CNTNAP2: variants seen among roughly 807,000 people sequenced by gnomAD.
CNTNAP2 encodes the protein contactin-associated protein-like 2.
CNTNAP2 carries 98 observed loss-of-function variants against 155.2 expected under a neutral mutation model. The observed-to-expected ratio is 0.63, with a 90% CI of 0.54 to 0.75. CNTNAP2 has a LOEUF of 0.75. Ranked by LOEUF, CNTNAP2 falls within the 30% of genes least tolerant of loss-of-function variation. The pLI is 0.00. For missense variants in CNTNAP2, 1,727 were observed against 1,688.1 expected (o/e 1.02, Z -0.40); for synonymous variants, 651 against 631.2 (o/e 1.03, Z -0.47).
At chr7:148,398,802 C>T (rs540417284) in intron 22 of CNTNAP2, among the ~76,000 whole-genome samples, 7 of 152,332 alleles carry the variant, frequency 4.6e-5, no homozygotes, top group Admixed American at 1.3e-4. Context: ...ACAATAGATC[C>T]AGGGTCTCCT....
At chr7:146,397,896 C>T (rs1795655472) in intron 1 of CNTNAP2, among the ~76,000 whole-genome samples, 1 of 126,664 alleles carries the variant, frequency 7.9e-6, no homozygotes, top group African/African-American at 4.0e-5. Context: ...TTATTTTTGA[C>T]ATGGTCTTGC....
intron 4 of CNTNAP2, among the ~76,000 whole-genome samples, chr7:147,074,562 T>G (rs1341914226): frequency 6.6e-6 from 1 of 152,170 alleles, no homozygotes; most frequent in African/African-American, 2.4e-5. Flanking sequence ...GTAAAAAACT[T>G]GCTTTCTTAT....
At chr7:146,352,276 A>G (rs1794926735) in intron 1 of CNTNAP2, among the ~76,000 whole-genome samples, 1 of 152,238 alleles carries the variant, frequency 6.6e-6, no homozygotes, top group South Asian at 2.1e-4. Flanking sequence ...AAATAATTAC[A>G]TAAAACAATG....
chr7:147,284,063 T>C (rs1346701220), intron 8 of CNTNAP2, among the ~76,000 whole-genome samples: 1 of 151,790 alleles, frequency 6.6e-6, no homozygotes, highest in Non-Finnish European at 1.5e-5. Flanking sequence ...CCATTGTGTT[T>C]AATGTTTAGA....
chr7:148,279,853 A>G (rs898951966), intron 21 of CNTNAP2, among the ~76,000 whole-genome samples: 2 of 152,246 alleles, frequency 1.3e-5, no homozygotes, highest in African/African-American at 2.4e-5. Context: ...AATCGTGCCA[A>G]TGGAAAAAAA....
chr7:146,322,369 G>A (rs1042459392), intron 1 of CNTNAP2, among the ~76,000 whole-genome samples: 5 of 152,112 alleles, frequency 3.3e-5, no homozygotes, highest in African/African-American at 1.2e-4. Flanking sequence ...ACCTCAGCTG[G>A]TCCATTAAAA....
At chr7:147,262,737 C>T (rs911896431) in intron 8 of CNTNAP2, among the ~76,000 whole-genome samples, 55 of 152,098 alleles carry the variant, frequency 3.6e-4, no homozygotes, top group African/African-American at 1.2e-3. Context: ...ACCCGGGAGG[C>T]GGAGCTTGCA....
Position 146,187,727 on chromosome 7 carries a change from G to A in CNTNAP2, c.97+70754G>A, listed in dbSNP as rs1798644358. Among the ~76,000 whole-genome samples, 9 of 151,774 alleles carry A rather than the reference G, an allele frequency of 5.9e-5. No individual in the cohort carries two copies. In the South Asian group the frequency reaches 1.9e-3, roughly 32 times the overall value. On this transcript the variant is annotated intron_variant, in intron 1 of 23. Coordinates refer to ENST00000361727, the MANE Select transcript of CNTNAP2 (RefSeq NM_014141.6). ...AAAACTTACTAAGGGCCATCTTTGT[G>A]ATAAGAAATTCAACCAACAACACGG... is the stretch of plus-strand genomic sequence containing the variant.
At chr7:147,766,418 T>G (rs1020553594) in intron 13 of CNTNAP2, among the ~76,000 whole-genome samples, 1 of 152,162 alleles carries the variant, frequency 6.6e-6, no homozygotes, top group Non-Finnish European at 1.5e-5. Flanking sequence ...TTTAGACCTA[T>G]TGAGTAATAA....
At chr7:147,947,473 A>T (rs1435711412) in intron 14 of CNTNAP2, among the ~76,000 whole-genome samples, 1 of 149,132 alleles carries the variant, frequency 6.7e-6, no homozygotes, top group Non-Finnish European at 1.5e-5. Flanking sequence ...AAAAAAAAAA[A>T]AAAAATTAGT....
chr7:147,242,987 ATTTTTTTTTTTTTT>A (rs766917054), intron 8 of CNTNAP2, among the ~76,000 whole-genome samples: 4 of 47,168 alleles, frequency 8.5e-5, no homozygotes, highest in East Asian at 9.5e-4. Flanking sequence ...TATGCTTTGC[ATTTTTTTTTTTTTT>A]TTTTTTTTTT....
At position 147,772,483 on chromosome 7, in the gene CNTNAP2, T is replaced by TATATATAC. The variant is rs1491170896; in HGVS notation, c.2099-131081_2099-131080insTATATACA. ...ATATATATATATATATATATATATATACACACACAAAAAAAAAACCACAAA... is the reference window on the plus strand; with the variant it reads ...ATATATATATATATATATATATATATATATATACACACACACAAAAAAAAAACCACAAA... On this transcript the variant is annotated intron_variant, in intron 13 of 23. Coordinates refer to ENST00000361727, the MANE Select transcript of CNTNAP2 (RefSeq NM_014141.6). Among the ~76,000 whole-genome samples, 70 of 90,212 alleles carry TATATATAC rather than the reference T, an allele frequency of 7.8e-4. No individual in the cohort carries two copies. In the East Asian group the frequency reaches 8.0e-3, roughly 10 times the overall value. The allele number at this position is 90,212 out of a possible 152,430, so 59.2% of individuals were successfully genotyped here.
chr7:148,214,848 C>T (rs7810803), intron 18 of CNTNAP2, among the ~76,000 whole-genome samples: 30,300 of 152,052 alleles, frequency 0.2, 3,069 homozygotes, highest in East Asian at 0.26. Context: ...GGATTACAGG[C>T]GAGAGCCACC....
chr7:146,202,233 A>G (rs529989266), intron 1 of CNTNAP2, among the ~76,000 whole-genome samples: 1 of 152,262 alleles, frequency 6.6e-6, no homozygotes, highest in East Asian at 1.9e-4. Context: ...ATGAAAATAC[A>G]CCAGTAACAG....
intron 1 of CNTNAP2, among the ~76,000 whole-genome samples, chr7:146,408,653 T>C (rs1312931647): frequency 1.3e-5 from 2 of 149,010 alleles, no homozygotes; most frequent in East Asian, 4.1e-4. Flanking sequence ...GGGATAGCAT[T>C]AGGAGATATA....
In CNTNAP2 at chr7:146,322,096, A is replaced by C. The variant is rs1265234915; in HGVS notation, c.97+205123A>C. Among the ~76,000 whole-genome samples the C allele has an allele frequency of 4.6e-5, 7 of 152,274 alleles. No individual in the cohort carries two copies. The South Asian group carries it at 1.5e-3, about 32-fold the overall frequency. ...ATAGGGAAAACCATGCTGTAAGGAC[A>C]AAGGGATCTGGAGTGGGTTGAGGGG... is the stretch of plus-strand genomic sequence containing the variant. On this transcript the variant is annotated intron_variant, in intron 1 of 23. Transcript: ENST00000361727.
rs191524565 is a variant in CNTNAP2, at chr7:146,276,337, C to T, written c.97+159364C>T. Reference sequence around the variant, plus strand: ...GTGTGATTATATATGTATTCCTCCTCTTTAAGTCTAAAAACTCTATTGGGA... The same window carrying T: ...GTGTGATTATATATGTATTCCTCCTTTTTAAGTCTAAAAACTCTATTGGGA... On this transcript the variant is annotated intron_variant, in intron 1 of 23. Coordinates refer to ENST00000361727, the MANE Select transcript of CNTNAP2 (RefSeq NM_014141.6). Among the ~76,000 whole-genome samples, 549 of 152,290 alleles carry T rather than the reference C, an allele frequency of 3.6e-3. 2 individuals are homozygous for T. The highest frequency in any genetic ancestry group is 5.2e-3 in the Non-Finnish European group (355 of 68,020).
intron 1 of CNTNAP2, among the ~76,000 whole-genome samples, chr7:146,683,099 T>A (rs1386750738): frequency 1.3e-5 from 2 of 152,188 alleles, no homozygotes; most frequent in East Asian, 3.9e-4. Context: ...AGTGGCAGGA[T>A]CTCAGCTCAC....
chr7:147,786,530 G>A (rs1041053615), intron 13 of CNTNAP2, among the ~76,000 whole-genome samples: 4 of 152,194 alleles, frequency 2.6e-5, no homozygotes, highest in South Asian at 2.1e-4. Flanking sequence ...GGACTGCTGG[G>A]GATGGCAGAG....
Sources: gnomAD v4.1 joint callset for allele counts (sites outside exome capture counted in the v4.1 genomes callset) on GRCh38, gnomAD v4.1.1 for gene constraint, MANE v1.5 for transcripts, NCBI Gene and HGNC (gene_info 2026-07-23, HGNC 2026-07-21) for gene names.